Variants in ESRRG observed in about 807,000 individuals in gnomAD.
ESRRG encodes the protein estrogen-related receptor gamma.
ESRRG carries 13 observed loss-of-function variants against 44.0 expected under a neutral mutation model. The observed-to-expected ratio is 0.30, with a 90% CI of 0.19 to 0.47. The LOEUF (loss-of-function observed/expected upper bound fraction) is 0.47. Ranked by LOEUF, ESRRG falls within the 20% of genes least tolerant of loss-of-function variation. ESRRG has a pLI of 1.00. For missense variants in ESRRG, 395 were observed against 580.6 expected, an observed-to-expected ratio of 0.68 and a Z score of 3.29; for synonymous variants, 215 against 214.6, an observed-to-expected ratio of 1.00 and a Z score of -0.02.
intron 2 of ESRRG, among the ~76,000 whole-genome samples, chr1:216,800,947 G>T (rs1439730481): frequency 6.6e-6 from 1 of 152,062 alleles, no homozygotes; most frequent in Admixed American, 6.6e-5. Context: ...TGATTGTGTG[G>T]TATACAATGA....
At chr1:216,844,095 A>G (rs1030054493) in intron 2 of ESRRG, among the ~76,000 whole-genome samples, 3 of 152,044 alleles carry the variant, frequency 2.0e-5, no homozygotes, top group African/African-American at 7.2e-5. Flanking sequence ...GGAAAGGGGG[A>G]AAAGGAGAGG....
intron 3 of ESRRG, among the ~76,000 whole-genome samples, chr1:216,619,666 A>G (rs1332873354): frequency 6.6e-6 from 1 of 152,216 alleles, no homozygotes; most frequent in African/African-American, 2.4e-5. Context: ...CTTTTCCTGA[A>G]GCCTGCTTAC....
At chr1:216,568,466 A>G (rs1291544752) in intron 3 of ESRRG, among the ~76,000 whole-genome samples, 1 of 152,196 alleles carries the variant, frequency 6.6e-6, no homozygotes, top group Non-Finnish European at 1.5e-5. Context: ...GTCAGCCCTG[A>G]AAGCTCAATG....
At chr1:217,003,340 G>T (rs2077294021) in intron 1 of ESRRG, among the ~76,000 whole-genome samples, 1 of 151,890 alleles carries the variant, frequency 6.6e-6, no homozygotes. Flanking sequence ...ATAAAACAGG[G>T]AAAATAATAC....
chr1:216,904,207 C>CG (rs529999704), intron 2 of ESRRG, among the ~76,000 whole-genome samples: 6 of 151,260 alleles, frequency 4.0e-5, no homozygotes, highest in Non-Finnish European at 5.9e-5. Context: ...AATCATCACC[C>CG]CCCCCAACTG....
intron 2 of ESRRG, among the ~76,000 whole-genome samples, chr1:216,765,212 G>C (rs189573142): frequency 9.7e-4 from 147 of 152,202 alleles, no homozygotes; most frequent in African/African-American, 3.5e-3. Context: ...GAAGAGAAGG[G>C]AAGGGCTGGA....
At chr1:216,778,523 G>A (rs2093696124) in intron 2 of ESRRG, among the ~76,000 whole-genome samples, 1 of 151,884 alleles carries the variant, frequency 6.6e-6, no homozygotes, top group African/African-American at 2.4e-5. Flanking sequence ...AGATCCCTGG[G>A]TCACTTGGCA....
intron 2 of ESRRG, among the ~76,000 whole-genome samples, chr1:216,794,792 A>T (rs1203090471): frequency 6.6e-6 from 1 of 152,212 alleles, no homozygotes; most frequent in East Asian, 1.9e-4. Flanking sequence ...AGTTGCATGA[A>T]TGAAAAGGAC....
chr1:217,086,752 T>A (rs999638488), intron 1 of ESRRG, among the ~76,000 whole-genome samples: 9 of 152,242 alleles, frequency 5.9e-5, no homozygotes, highest in Admixed American at 2.0e-4. Context: ...TTCCAACAAT[T>A]TTGAAACAAA....
At chr1:216,935,780 C>T (rs1475386858) in intron 2 of ESRRG, among the ~76,000 whole-genome samples, 3 of 151,986 alleles carry the variant, frequency 2.0e-5, no homozygotes, top group African/African-American at 4.8e-5. Context: ...CCATGCCTGG[C>T]TAATTTTTAT....
intron 1 of ESRRG, among the ~76,000 whole-genome samples, chr1:216,698,569 G>T (rs1349138522): frequency 6.6e-6 from 1 of 150,528 alleles, no homozygotes; most frequent in Middle Eastern, 3.3e-3. Context: ...GGAGCACATA[G>T]GTCCCCATGC....
intron 1 of ESRRG, among the ~76,000 whole-genome samples, chr1:217,013,777 G>A (rs1022166970): frequency 2.2e-5 from 3 of 134,298 alleles, no homozygotes; most frequent in Non-Finnish European, 3.2e-5. Flanking sequence ...CATCCCCCCT[G>A]AAAGAGTGGC....
chr1:216,658,534 G>GA (rs1236330265), intron 2 of ESRRG, among the ~76,000 whole-genome samples: 2 of 151,888 alleles, frequency 1.3e-5, no homozygotes, highest in African/African-American at 4.8e-5. Flanking sequence ...GAGGAGAAAA[G>GA]AAAGAGGCCA....
intron 2 of ESRRG, among the ~76,000 whole-genome samples, chr1:216,908,887 G>T (rs1437175140): frequency 6.6e-6 from 1 of 151,116 alleles, no homozygotes; most frequent in East Asian, 1.9e-4. Context: ...CTTAAATTTG[G>T]GTTTAGGGAA....
intron 2 of ESRRG, among the ~76,000 whole-genome samples, chr1:216,761,288 G>A (rs963860684): frequency 5.9e-5 from 9 of 151,718 alleles, no homozygotes; most frequent in Non-Finnish European, 8.8e-5. Flanking sequence ...AGTCAGCTCT[G>A]AGTAAAATGA....
intron 1 of ESRRG, among the ~76,000 whole-genome samples, chr1:216,967,817 G>C (rs965915979): frequency 9.2e-5 from 14 of 152,142 alleles, no homozygotes; most frequent in African/African-American, 3.4e-4. Flanking sequence ...TGCCCAAACT[G>C]TCTTCTAAAC....
intron 1 of ESRRG, among the ~76,000 whole-genome samples, chr1:217,012,341 A>G (rs576676008): frequency 2.6e-5 from 4 of 152,340 alleles, no homozygotes; most frequent in African/African-American, 9.6e-5. Flanking sequence ...GCAAATATAA[A>G]TAATAAAAAT....
intron 2 of ESRRG, among the ~76,000 whole-genome samples, chr1:216,757,645 G>T (rs554572412): frequency 4.6e-5 from 7 of 152,068 alleles, no homozygotes; most frequent in African/African-American, 1.7e-4. Context: ...AAATCCAAAG[G>T]CAAAAAGCTT....
At chr1:217,128,335 TTTATTA>T (rs1253094797) in intron 1 of ESRRG, among the ~76,000 whole-genome samples, 2 of 152,260 alleles carry the variant, frequency 1.3e-5, no homozygotes, top group African/African-American at 4.8e-5. Context: ...TCCTTACTCT[TTTATTA>T]AGTTTTGTCT....
Sources: gnomAD v4.1 joint callset for allele counts (sites outside exome capture counted in the v4.1 genomes callset) on GRCh38, gnomAD v4.1.1 for gene constraint, MANE v1.5 for transcripts, NCBI Gene and HGNC (gene_info 2026-07-23, HGNC 2026-07-21) for gene names.